The following MAGI2 variants were observed in gnomAD, a reference collection of about 807,000 sequenced individuals.
The protein encoded by MAGI2 is membrane associated guanylate kinase, WW and PDZ domain containing 2, also known as membrane-associated guanylate kinase, WW and PDZ domain-containing protein 2.
Under a neutral mutation model 133.3 loss-of-function variants are expected in MAGI2, and 35 were observed. That is an observed-to-expected ratio of 0.26 (90% CI 0.20 to 0.35). The LOEUF (loss-of-function observed/expected upper bound fraction) is 0.35, where lower values mean the gene tolerates loss of function less well. Among genes scored for constraint, MAGI2 ranks in the 10% least tolerant of loss-of-function variants. The pLI, the probability that MAGI2 is intolerant of heterozygous loss-of-function variation, is 1.00. For synonymous variants in MAGI2, 729 were observed against 710.6 expected, an observed-to-expected ratio of 1.03 and a Z score of -0.41; for missense variants, 1,636 against 1,863.4, an observed-to-expected ratio of 0.88 and a Z score of 2.25.
intron 3 of MAGI2, among the ~76,000 whole-genome samples, chr7:78,525,262 T>C (rs149395047): frequency 2.3e-3 from 354 of 152,276 alleles, no homozygotes; most frequent in African/African-American, 8.2e-3. Context: ...AAATAATCCA[T>C]ACTCTTACTA....
rs539508068 is a variant in MAGI2, at chr7:78,263,272, A to G, written c.1409-6691T>C. On this transcript the variant is annotated intron_variant, in intron 9 of 21. Coordinates refer to ENST00000354212, the MANE Select transcript of MAGI2 (RefSeq NM_012301.4). ...CTTTGCTATTGTGAAGAGCACTGCA[A>G]TGAACATATGAGTGCATGTGTCTTT... 3.3e-5 allele frequency among the ~76,000 whole-genome samples: 5 copies of G among 152,332 alleles called. No homozygotes were observed. In the South Asian group the frequency reaches 1.0e-3, roughly 32 times the overall value.
chr7:79,100,773 A>G lies in MAGI2; in HGVS notation c.302-93567T>C, dbSNP rs186149913. ...TGCTATTTCCATTGACTTTATAGTC[A>G]TAGGTATTTTTTCTAACTTTTAGTG... On this transcript the variant is annotated intron_variant, in intron 1 of 21. Transcript: ENST00000354212. Among the ~76,000 whole-genome samples, 190 of 151,976 alleles carry G rather than the reference A, an allele frequency of 1.3e-3. 1 individual carries two copies. Among genetic ancestry groups the G allele is most frequent in the African/African-American group, 4.5e-3 (187 of 41,542 alleles).
chr7:78,365,774 C>T (rs938428219), intron 7 of MAGI2, among the ~76,000 whole-genome samples: 1 of 152,170 alleles, frequency 6.6e-6, no homozygotes, highest in African/African-American at 2.4e-5. Flanking sequence ...GTGGTCAAAG[C>T]CTGCTCAATC....
chr7:79,377,603 G>A (rs848929), intron 1 of MAGI2, among the ~76,000 whole-genome samples: 46,118 of 151,586 alleles, frequency 0.3, 7,337 homozygotes, highest in African/African-American at 0.37. Flanking sequence ...AGTGAGCAAC[G>A]CAATCAAGCA....
intron 14 of MAGI2, among the ~76,000 whole-genome samples, chr7:78,174,434 G>A (rs1826401475): frequency 6.6e-6 from 1 of 152,202 alleles, no homozygotes; most frequent in South Asian, 2.1e-4. Flanking sequence ...TTCAGCAAGT[G>A]CTCAGTGTCC....
intron 3 of MAGI2, among the ~76,000 whole-genome samples, chr7:78,573,296 A>ATT (rs1801859284): frequency 1.6e-5 from 1 of 62,156 alleles, no homozygotes; most frequent in East Asian, 4.5e-4. Context: ...ATATAAATAT[A>ATT]TATATTTATA....
At chr7:79,331,108 G>A (rs561980467) in intron 1 of MAGI2, among the ~76,000 whole-genome samples, 19 of 152,212 alleles carry the variant, frequency 1.2e-4, no homozygotes, top group South Asian at 1.0e-3. Flanking sequence ...ATGTGAGTGC[G>A]TACTTGAATT....
At chr7:79,400,307 A>G (rs1845379512) in intron 1 of MAGI2, among the ~76,000 whole-genome samples, 1 of 152,222 alleles carries the variant, frequency 6.6e-6, no homozygotes, top group Non-Finnish European at 1.5e-5. Flanking sequence ...ACACATTAAA[A>G]TAAATGTTTA....
At chr7:78,220,712 G>A (rs114170730) in intron 10 of MAGI2, among the ~76,000 whole-genome samples, 1,588 of 152,278 alleles carry the variant, frequency 0.01, 24 homozygotes, top group African/African-American at 0.034. Context: ...GTGGACTGGA[G>A]CAAACATTTG....
intron 9 of MAGI2, among the ~76,000 whole-genome samples, chr7:78,266,469 G>A (rs997409901): frequency 6.6e-6 from 1 of 151,522 alleles, no homozygotes; most frequent in South Asian, 2.1e-4. Context: ...TCCCAAAATT[G>A]TGCGATTGCA....
At chr7:79,172,482 A>G (rs1825712087) in intron 1 of MAGI2, among the ~76,000 whole-genome samples, 1 of 152,116 alleles carries the variant, frequency 6.6e-6, no homozygotes, top group Non-Finnish European at 1.5e-5. Context: ...TCAGAAACTT[A>G]GAGAAACACA....
chr7:78,849,447 T>C (rs576828063), intron 2 of MAGI2, among the ~76,000 whole-genome samples: 1 of 152,110 alleles, frequency 6.6e-6, no homozygotes, highest in Non-Finnish European at 1.5e-5. Context: ...ATCCACTAAG[T>C]AATTCCAGCA....
chr7:78,660,569 C>CA (rs1232047558), intron 2 of MAGI2, among the ~76,000 whole-genome samples: 2 of 151,830 alleles, frequency 1.3e-5, no homozygotes, highest in Non-Finnish European at 1.5e-5. Flanking sequence ...CTATTTCAAA[C>CA]AAAAAAAGGA....
At chr7:78,772,861 GA>G in intron 2 of MAGI2, among the ~76,000 whole-genome samples, 1 of 152,174 alleles carries the variant, frequency 6.6e-6, no homozygotes, top group South Asian at 2.1e-4. Flanking sequence ...AATGTTATAG[GA>G]AAAAAACATA....
chr7:78,648,348 T>C (rs1811125709), intron 2 of MAGI2, among the ~76,000 whole-genome samples: 1 of 152,150 alleles, frequency 6.6e-6, no homozygotes, highest in Non-Finnish European at 1.5e-5. Flanking sequence ...TAAAAAATGC[T>C]CAGTACGTTG....
intron 20 of MAGI2, among the ~76,000 whole-genome samples, chr7:78,089,123 C>T (rs758157814): frequency 2.6e-5 from 4 of 152,168 alleles, no homozygotes; most frequent in Admixed American, 1.3e-4. Flanking sequence ...TGATTTTAAC[C>T]CAGTGAAACA....
At chr7:79,013,998 C>T (rs1294035379) in intron 1 of MAGI2, among the ~76,000 whole-genome samples, 1 of 152,006 alleles carries the variant, frequency 6.6e-6, no homozygotes, top group African/African-American at 2.4e-5. Context: ...GCTTTAATAT[C>T]TGTGCTGTTT....
intron 3 of MAGI2, 33 bp downstream of exon 3, chr7:78,627,087 A>C (rs745456357): frequency 1.5e-5 from 24 of 1,549,160 alleles, no homozygotes; most frequent in Non-Finnish European, 6.1e-6. Context: ...TGTGATGCCA[A>C]CAAGAAAGAT....
At chr7:78,499,055 A>AAACAACAACAACAACAACAAC (rs147914906) in intron 5 of MAGI2, among the ~76,000 whole-genome samples, 24 of 150,480 alleles carry the variant, frequency 1.6e-4, no homozygotes, top group Middle Eastern at 3.5e-3. Context: ...CTACAAACTC[A>AAACAACAACAACAACAACAAC]AACAACAACA....
Sources: gnomAD v4.1 joint callset for allele counts (sites outside exome capture counted in the v4.1 genomes callset) on GRCh38, gnomAD v4.1.1 for gene constraint, MANE v1.5 for transcripts, NCBI Gene and HGNC (gene_info 2026-07-23, HGNC 2026-07-21) for gene names.